The following PTTG1IP variants were observed in gnomAD, a reference collection of about 807,000 sequenced individuals.
PTTG1IP encodes PTTG1 interacting protein.
PTTG1IP carries 16 observed loss-of-function variants against 24.4 expected under a neutral mutation model. That is an observed-to-expected ratio of 0.66 (90% CI 0.44 to 1.00). PTTG1IP has a LOEUF of 1.00. Among genes scored for constraint, PTTG1IP ranks in the 50% least tolerant of loss-of-function variants. PTTG1IP has a pLI of 0.00. For synonymous variants in PTTG1IP, 89 were observed against 96.8 expected, an observed-to-expected ratio of 0.92 and a Z score of 0.47; for missense variants, 241 against 245.8, an observed-to-expected ratio of 0.98 and a Z score of 0.13.
intron 5 of PTTG1IP, 149 bp from the exon 6 acceptor site, chr21:44,851,776 CT>C: frequency 1.1e-6 from 1 of 915,092 alleles, no homozygotes; most frequent in Non-Finnish European, 1.6e-6. Flanking sequence ...AGTGCTTAAC[CT>C]TTTTTGAAGT....
chr21:44,867,550 T>G (rs1046872716), intron 1 of PTTG1IP, among the ~76,000 whole-genome samples: 2 of 152,206 alleles, frequency 1.3e-5, no homozygotes, highest in African/African-American at 4.8e-5. Flanking sequence ...AAGAAAAATG[T>G]ATCTCAAAAG....
At chr21:44,862,079 C>CGT (rs753866678) in intron 2 of PTTG1IP, 153 of 539,030 alleles carry the variant, frequency 2.8e-4, no homozygotes, top group Middle Eastern at 5.1e-4. Flanking sequence ...CCATCACACC[C>CGT]GTGTGTGTGT....
rs1555972836 is a variant in PTTG1IP, at chr21:44,870,544, A to AAG, written c.115+2957_115+2958insCT. ...CCATCTCAAAAAAAAAAAAAAAAAAAAAAAGAAAGGCATGAATCATTTGTT... is the reference window on the plus strand; with the variant it reads ...CCATCTCAAAAAAAAAAAAAAAAAAAAGAAAAGAAAGGCATGAATCATTTGTT... On this transcript the variant is annotated intron_variant, in intron 1 of 5. Coordinates refer to ENST00000330938, the MANE Select transcript of PTTG1IP (RefSeq NM_004339.4). Among the ~76,000 whole-genome samples the AAG allele has an allele frequency of 1.8e-3, 267 of 146,686 alleles. 4 individuals carry two copies. The highest frequency in any genetic ancestry group is 6.6e-3 in the African/African-American group (255 of 38,526).
chr21:44,855,001 C>T (rs1010137339), intron 5 of PTTG1IP, among the ~76,000 whole-genome samples: 5 of 152,190 alleles, frequency 3.3e-5, no homozygotes, highest in African/African-American at 2.4e-5. Flanking sequence ...TTCATGAAGA[C>T]GACTGGCTGA....
At chr21:44,854,621 T>C (rs913942731) in intron 5 of PTTG1IP, among the ~76,000 whole-genome samples, 2 of 152,210 alleles carry the variant, frequency 1.3e-5, no homozygotes, top group South Asian at 4.1e-4. Context: ...GGAGTATAGA[T>C]AACGTAATGT....
chr21:44,861,097 C>T (rs118037524), intron 3 of PTTG1IP, 66 bp downstream of exon 3: 76,764 of 1,427,606 alleles, frequency 0.054, 2,339 homozygotes, highest in Middle Eastern at 0.13. Flanking sequence ...CCACCGCGCC[C>T]GGCCCATACT....
Position 44,873,675 on chromosome 21 carries a change from G to C in PTTG1IP, c.-59C>G, listed in dbSNP as rs551221197. The C allele has an allele frequency of 7.4e-5, 96 of 1,302,284 alleles. No individual in the cohort carries two copies. In the South Asian group the frequency reaches 7.9e-4, roughly 11 times the overall value. 80.7% of individuals were successfully genotyped at this position (1,302,284 alleles called of 1,614,324 possible). A position where few individuals can be genotyped will look rare whatever the true frequency, so the allele number is the denominator to read the frequency against. ...TTACAACTCCGACTCCAGCACAAGC[G>C]GTCTCCGCCCGGAACAGCCGCGGCG... On this transcript the variant is annotated 5_prime_UTR_variant, in exon 1 of 6. Coordinates refer to ENST00000330938, the MANE Select transcript of PTTG1IP (RefSeq NM_004339.4).
At position 44,851,321 on chromosome 21, in the gene PTTG1IP, TAAA is replaced by T; in HGVS notation, c.*257_*259del. 6.7e-7 allele frequency: 1 copy of T among 1,488,426 alleles called. No homozygotes were observed. Among genetic ancestry groups the T allele is most frequent in the Non-Finnish European group, 9.0e-7 (1 of 1,116,580 alleles). The allele number at this position is 1,488,426 out of a possible 1,614,324, so 92.2% of individuals were successfully genotyped here. On this transcript the variant is annotated 3_prime_UTR_variant, in exon 6 of 6. Transcript: ENST00000330938. The stretch of plus-strand genomic sequence containing the variant: ...AGCGTTTCACAAACTGAGAAGAGTA[TAAA>T]AAAGCCCAAACCCCAAAGATTTCTT...
chr21:44,855,588 C>G (rs1252016100), intron 4 of PTTG1IP, among the ~76,000 whole-genome samples: 1 of 152,224 alleles, frequency 6.6e-6, no homozygotes, highest in Non-Finnish European at 1.5e-5. Flanking sequence ...ACACCAGGTT[C>G]TGAAGATGGT....
At chr21:44,865,480 C>G in intron 1 of PTTG1IP, 33 bp from the exon 2 acceptor site, 1 of 1,610,756 alleles carries the variant, frequency 6.2e-7, no homozygotes, top group Non-Finnish European at 8.5e-7. Context: ...AAGTCAGTCA[C>G]TGAGAATCAG....
At chr21:44,855,352 G>C in intron 4 of PTTG1IP, 96 bp from the exon 5 acceptor site, 1 of 1,324,946 alleles carries the variant, frequency 7.5e-7, no homozygotes, top group South Asian at 1.2e-5. Flanking sequence ...GGGGCGCCAG[G>C]TTTCTTCTGG....
At position 44,856,283 on chromosome 21, in the gene PTTG1IP, C is replaced by T. The variant is rs1190037139; in HGVS notation, c.359G>A (p.Cys120Tyr). 2 of 1,613,856 alleles carry T rather than the reference C, an allele frequency of 1.2e-6. No individual in the cohort carries two copies. The highest frequency in any genetic ancestry group is 1.7e-6 in the Non-Finnish European group (2 of 1,179,742). Residue 120 changes from cysteine (C) to tyrosine (Y), a missense_variant, in exon 4 of 6, where the codon TGC becomes TAC. Coordinates refer to ENST00000330938, the MANE Select transcript of PTTG1IP (RefSeq NM_004339.4). The part of the protein sequence containing the change: ...LLGIAICCCC[C>Y]CRRKRSRKPD... ...CTTCCGGCTCCTCTTCCTCCTGCAGCAGCAGCAGCAGCAGATGGCAATGCC... is the reference window on the plus strand; with the variant it reads ...CTTCCGGCTCCTCTTCCTCCTGCAGTAGCAGCAGCAGCAGATGGCAATGCC...
At chr21:44,852,561 T>C (rs917296334) in intron 5 of PTTG1IP, among the ~76,000 whole-genome samples, 1 of 152,162 alleles carries the variant, frequency 6.6e-6, no homozygotes, top group African/African-American at 2.4e-5. Flanking sequence ...GCATGTATTC[T>C]GGGGGCTGGG....
chr21:44,858,912 G>A (rs1318352959), intron 3 of PTTG1IP, among the ~76,000 whole-genome samples: 1 of 152,178 alleles, frequency 6.6e-6, no homozygotes, highest in Non-Finnish European at 1.5e-5. Context: ...GTCCCACATT[G>A]CCTGAGGGAG....
At position 44,850,380 on chromosome 21, in the gene PTTG1IP, G is replaced by A. The variant is rs1419747651; in HGVS notation, c.*1201C>T. 1.3e-5 allele frequency: 2 copies of A among 152,248 alleles called. No individual in the cohort carries two copies. Among genetic ancestry groups the A allele is most frequent in the African/African-American group, 4.8e-5 (2 of 41,460 alleles). The allele number at this position is 152,248 out of a possible 1,614,324, so 9.4% of individuals were successfully genotyped here. On this transcript the variant is annotated 3_prime_UTR_variant, in exon 6 of 6. Transcript: ENST00000330938. ...CGCTTGGTCTGCTTACTAAAGCCACGTATCCTGATTTTACAGAAACGTGGG... is the reference window on the plus strand; with the variant it reads ...CGCTTGGTCTGCTTACTAAAGCCACATATCCTGATTTTACAGAAACGTGGG...
chr21:44,856,188 C>T lies in PTTG1IP; in HGVS notation c.449+5G>A, dbSNP rs765790221. 68 of 1,614,016 alleles carry T rather than the reference C, an allele frequency of 4.2e-5. No homozygotes were observed. The Middle Eastern group carries it at 8.2e-4, about 20-fold the overall frequency. On this transcript the variant is annotated splice_donor_5th_base_variant and intron_variant, in intron 4 of 5. Transcript: ENST00000330938. ...CCTTCCCAGCGGGCATCACCACCAC[C>T]TCACCGTTCCTCCTGCCGTATCCGC...
chr21:44,873,519 T>G lies in PTTG1IP; in HGVS notation c.98A>C (p.Gln33Pro), dbSNP rs765018047. Reference sequence around the variant, plus strand: ...GCCCTCACCAGCTCCGGGAGGCTCCTGCGCGGCGGCCACCGGGATGAGCAG... The same window carrying G: ...GCCCTCACCAGCTCCGGGAGGCTCCGGCGCGGCGGCCACCGGGATGAGCAG... ...LLLLIPVAAA[Q>P]EPPGAACSQN... The change falls in exon 1 of 6, where the codon CAG (glutamine) becomes CCG (proline). Residue 33 changes from glutamine (Q) to proline (P), a missense_variant. By Grantham distance (76) the Gln-to-Pro change is moderately conservative. Transcript: ENST00000330938. 6.8e-7 allele frequency: 1 copy of G among 1,461,926 alleles called. No homozygotes were observed. The highest frequency in any genetic ancestry group is 1.3e-5 in the South Asian group (1 of 76,848). The allele number at this position is 1,461,926 out of a possible 1,614,324, so 90.6% of individuals were successfully genotyped here. A position where few individuals can be genotyped will look rare whatever the true frequency, so the allele number is the denominator to read the frequency against.
intron 3 of PTTG1IP, among the ~76,000 whole-genome samples, chr21:44,859,583 A>G (rs1331841324): frequency 1.3e-5 from 2 of 152,174 alleles, no homozygotes; most frequent in African/African-American, 4.8e-5. Flanking sequence ...CACCTCCAGA[A>G]CAGGTGTTCC....
chr21:44,856,160 T>C (rs1192333231), intron 4 of PTTG1IP, 33 bp downstream of exon 4: 1 of 1,613,868 alleles, frequency 6.2e-7, no homozygotes, highest in Non-Finnish European at 8.5e-7. Context: ...CCCCTCGAAG[T>C]AACCTTCCCA....
Sources: gnomAD v4.1 joint callset for allele counts (sites outside exome capture counted in the v4.1 genomes callset) on GRCh38, gnomAD v4.1.1 for gene constraint, MANE v1.5 for transcripts, NCBI Gene and HGNC (gene_info 2026-07-23, HGNC 2026-07-21) for gene names.